The following LNX1 variants were observed in gnomAD, a reference collection of about 807,000 sequenced individuals.
LNX1 encodes ligand of numb-protein X 1.
LNX1 carries 54 observed loss-of-function variants against 68.4 expected under a neutral mutation model. That is an observed-to-expected ratio of 0.79 (90% CI 0.63 to 0.99). The LOEUF is 0.99. Ranked by LOEUF, LNX1 falls within the 50% of genes least tolerant of loss-of-function variation. LNX1 has a pLI of 0.00. For synonymous variants in LNX1, 336 were observed against 350.0 expected (o/e 0.96, Z 0.45); for missense variants, 906 against 926.4 (o/e 0.98, Z 0.29).
At chr4:53,542,513 A>G (rs904316044) in intron 2 of LNX1, among the ~76,000 whole-genome samples, 2 of 152,198 alleles carry the variant, frequency 1.3e-5, no homozygotes, top group Admixed American at 1.3e-4. Flanking sequence ...ATTGATCTGA[A>G]TCAATACTCT....
intron 6 of LNX1, among the ~76,000 whole-genome samples, chr4:53,489,638 G>A (rs1724550592): frequency 6.6e-6 from 1 of 152,132 alleles, no homozygotes; most frequent in Non-Finnish European, 1.5e-5. Context: ...AATATTTGCA[G>A]TGTGTAGCTG....
chr4:53,483,031 G>T (rs535670542), intron 6 of LNX1, among the ~76,000 whole-genome samples: 3 of 152,266 alleles, frequency 2.0e-5, no homozygotes, highest in African/African-American at 7.2e-5. Context: ...GATATGGTTT[G>T]ACTGTGTCCC....
At chr4:53,566,973 A>G (rs890182810) in intron 2 of LNX1, among the ~76,000 whole-genome samples, 1 of 152,184 alleles carries the variant, frequency 6.6e-6, no homozygotes, top group Non-Finnish European at 1.5e-5. Context: ...CATCCAATAC[A>G]GGAGCACCCA....
At chr4:53,551,966 C>A (rs1729546204) in intron 2 of LNX1, among the ~76,000 whole-genome samples, 1 of 152,106 alleles carries the variant, frequency 6.6e-6, no homozygotes. Context: ...CTCTGGAGTA[C>A]AAAACTCCAG....
At chr4:53,618,134 G>A (rs1431264780), upstream of LNX1, among the ~76,000 whole-genome samples, 1 of 152,060 alleles carries the variant, frequency 6.6e-6, no homozygotes, top group Admixed American at 6.6e-5. Flanking sequence ...TAAACAAATT[G>A]CCCTTAACTA....
At chr4:53,463,824 T>C (rs1236780116) in intron 9 of LNX1, among the ~76,000 whole-genome samples, 1 of 152,086 alleles carries the variant, frequency 6.6e-6, no homozygotes, top group Non-Finnish European at 1.5e-5. Context: ...TAAGTTTTTT[T>C]CTAAATTTTT....
intron 1 of LNX1, among the ~76,000 whole-genome samples, chr4:53,634,252 C>CAT (rs1553945562): frequency 7.0e-6 from 1 of 142,922 alleles, no homozygotes; most frequent in Non-Finnish European, 1.5e-5. Context: ...TCCAGCTTGG[C>CAT]TTTTTTTTTT....
intron 1 of LNX1, among the ~76,000 whole-genome samples, chr4:53,644,090 C>T (rs1198187228): frequency 6.6e-6 from 1 of 152,028 alleles, no homozygotes; most frequent in Non-Finnish European, 1.5e-5. Context: ...GTACTTCATT[C>T]TAGTGATAAA....
At chr4:53,571,618 G>A (rs1731176888) in intron 2 of LNX1, among the ~76,000 whole-genome samples, 1 of 152,114 alleles carries the variant, frequency 6.6e-6, no homozygotes, top group Non-Finnish European at 1.5e-5. Context: ...TTAGTCCACC[G>A]AGATGTACGT....
At chr4:53,483,865 T>G (rs1514387) in intron 6 of LNX1, among the ~76,000 whole-genome samples, 141,630 of 152,022 alleles carry the variant, frequency 0.93, 66,566 homozygotes, top group East Asian at 1. Flanking sequence ...GGAGATATTT[T>G]CTTCCTGCCT....
chr4:53,638,414 C>A (rs1197669524), intron 1 of LNX1, among the ~76,000 whole-genome samples: 2 of 152,118 alleles, frequency 1.3e-5, no homozygotes, highest in Non-Finnish European at 2.9e-5. Context: ...ATTGTAACCC[C>A]AAACTCAATG....
rs758724920 is a variant in LNX1 at position 53,573,740 on chromosome 4, T to C, written c.263A>G (p.Lys88Arg). ...DRKPLVLQHCKKSSILVNKLL... is the reference protein window; with the variant it reads ...DRKPLVLQHCRKSSILVNKLL... ...TTTGTTGACCAGGATGCTGGACTTC[T>C]TGCAGTGCTGCAGAACCAGAGGCTT... is the stretch of plus-strand genomic sequence containing the variant. The change falls in exon 2 of 11, where the codon AAG becomes AGG. Residue 88 changes from lysine (K) to arginine (R), a missense_variant. Transcript: ENST00000263925. 6.2e-6 allele frequency: 10 copies of C among 1,611,674 alleles called. No homozygotes were observed. Among genetic ancestry groups the C allele is most frequent in the Middle Eastern group, 1.6e-4 (1 of 6,084 alleles).
intron 2 of LNX1, among the ~76,000 whole-genome samples, chr4:53,568,417 G>A (rs1287204270): frequency 1.3e-5 from 2 of 152,036 alleles, no homozygotes; most frequent in Non-Finnish European, 2.9e-5. Flanking sequence ...CTCAATAGAT[G>A]CAGAAAAGGC....
chr4:53,507,502 T>C (rs373038810), intron 3 of LNX1, 33 bp from the exon 4 acceptor site: 15 of 1,604,710 alleles, frequency 9.3e-6, no homozygotes, highest in South Asian at 5.5e-5. Context: ...ACAGTAGTTA[T>C]GATTTAATAG....
chr4:53,493,300 C>T (rs1429931573), intron 6 of LNX1, among the ~76,000 whole-genome samples: 27 of 152,158 alleles, frequency 1.8e-4, no homozygotes, highest in African/African-American at 6.0e-4. Context: ...GTTTTGTTCC[C>T]CACCTGCTCT....
chr4:53,621,018 T>C (rs79028487), upstream of LNX1, among the ~76,000 whole-genome samples: 649 of 152,326 alleles, frequency 4.3e-3, 5 homozygotes, highest in African/African-American at 0.015. Context: ...CTTTCAAACA[T>C]TTTATTAACT....
chr4:53,479,593 CTT>C (rs892052590), intron 7 of LNX1, among the ~76,000 whole-genome samples: 23 of 151,926 alleles, frequency 1.5e-4, no homozygotes, highest in African/African-American at 5.6e-4. Context: ...GGTTACCTGA[CTT>C]TGGCTGGAGA....
chr4:53,624,370 T>C (rs1388211580), intron 1 of LNX1, among the ~76,000 whole-genome samples: 1 of 152,162 alleles, frequency 6.6e-6, no homozygotes. Flanking sequence ...TCATGAGATC[T>C]GATGGTTTTA....
chr4:53,576,692 C>G (rs1731511575), intron 1 of LNX1, among the ~76,000 whole-genome samples: 1 of 152,120 alleles, frequency 6.6e-6, no homozygotes, highest in African/African-American at 2.4e-5. Context: ...CAACTTTCCT[C>G]TTTTCCAAAA....
Sources: allele counts gnomAD v4.1 joint callset (sites outside exome capture counted in the v4.1 genomes callset), GRCh38; gene constraint gnomAD v4.1.1; transcripts MANE v1.5; gene names NCBI Gene and HGNC (gene_info 2026-07-23, HGNC 2026-07-21).